The following XPOT variants were observed in gnomAD, a reference collection of about 807,000 sequenced individuals.
XPOT encodes the protein exportin for tRNA.
XPOT carries 34 observed loss-of-function variants against 128.2 expected under a neutral mutation model. The ratio of observed to expected loss-of-function variants is 0.27; its 90% CI spans 0.20 to 0.35. The LOEUF (loss-of-function observed/expected upper bound fraction) is 0.35, where lower values mean the gene tolerates loss of function less well. Ranked by LOEUF, XPOT falls within the 10% of genes least tolerant of loss-of-function variation. XPOT has a pLI of 1.00. For synonymous variants in XPOT, 348 were observed against 394.3 expected (o/e 0.88, Z 1.39); for missense variants, 838 against 1,125.3 (o/e 0.74, Z 3.65).
At chr12:64,427,735 C>G (rs2040205342) in intron 15 of XPOT, among the ~76,000 whole-genome samples, 1 of 152,094 alleles carries the variant, frequency 6.6e-6, no homozygotes, top group African/African-American at 2.4e-5. Context: ...TCAGTCTTCC[C>G]ACCTCGGCCT....
chr12:64,435,460 T>C (rs2040274988), intron 21 of XPOT, among the ~76,000 whole-genome samples, 167 bp from the exon 22 acceptor site: 1 of 152,246 alleles, frequency 6.6e-6, no homozygotes, highest in African/African-American at 2.4e-5. Context: ...ACCCACTTAG[T>C]CCATCTGCCT....
chr12:64,427,407 C>T (rs955899271), intron 15 of XPOT, among the ~76,000 whole-genome samples: 15 of 152,124 alleles, frequency 9.9e-5, no homozygotes, highest in African/African-American at 3.4e-4. Flanking sequence ...AGGCATGAGC[C>T]ACCGCGCCCA....
intron 24 of XPOT, among the ~76,000 whole-genome samples, chr12:64,447,762 T>G (rs556511877): frequency 6.6e-6 from 1 of 152,270 alleles, no homozygotes; most frequent in South Asian, 2.1e-4. Flanking sequence ...GTGCCCGTCC[T>G]CAATATTTAA....
At position 64,419,421 on chromosome 12, in the gene XPOT, G is replaced by A. The variant is rs557474102; in HGVS notation, c.489+327G>A. Among the ~76,000 whole-genome samples the A allele has an allele frequency of 2.6e-5, 4 of 152,212 alleles. 1 individual carries two copies. In the South Asian group the frequency reaches 8.3e-4, roughly 32 times the overall value. ...CAACCTCCGCCTCCTGGGTTCAAGC[G>A]ATTCTCCCACCTCAGCCTCCCTAGT... On this transcript the variant is annotated intron_variant, in intron 6 of 24. Coordinates refer to ENST00000332707, the MANE Select transcript of XPOT (RefSeq NM_007235.6).
At chr12:64,418,229 C>A in intron 5 of XPOT, 114 bp downstream of exon 5, 1 of 811,726 alleles carries the variant, frequency 1.2e-6, no homozygotes, top group Non-Finnish European at 1.9e-6. Context: ...CATTTGATTT[C>A]ATAGCTTTTT....
intron 2 of XPOT, among the ~76,000 whole-genome samples, chr12:64,410,577 C>G (rs2040028897): frequency 1.3e-5 from 2 of 152,102 alleles, no homozygotes; most frequent in African/African-American, 4.8e-5. Flanking sequence ...CCACCTCAGT[C>G]TCCTAAAATG....
At chr12:64,415,986 C>G (rs1000773987) in intron 3 of XPOT, among the ~76,000 whole-genome samples, 1 of 152,192 alleles carries the variant, frequency 6.6e-6, no homozygotes, top group Non-Finnish European at 1.5e-5. Flanking sequence ...AAGCATTCAA[C>G]TAACTTTTTA....
chr12:64,432,710 T>A (rs1278994102), intron 18 of XPOT, among the ~76,000 whole-genome samples: 1 of 152,204 alleles, frequency 6.6e-6, no homozygotes, highest in Non-Finnish European at 1.5e-5. Context: ...CAGGAGTTCA[T>A]TTGTAAGCAA....
rs6581565 is a variant in XPOT at position 64,445,142 on chromosome 12, G to T, written c.2862+11G>T. 0.52 allele frequency: 838,519 copies of T among 1,600,842 alleles called. 228,800 individuals carry two copies. The highest frequency in any genetic ancestry group is 0.57 in the Non-Finnish European group (665,196 of 1,171,328). On this transcript the variant is annotated intron_variant, in intron 24 of 24. Transcript: ENST00000332707. Reference sequence around the variant, plus strand: ...AAAAATTACTTAAAGGTAGGTATTTGTGAAGCTCACGTATCTTCATACAAT... The same window carrying T: ...AAAAATTACTTAAAGGTAGGTATTTTTGAAGCTCACGTATCTTCATACAAT...
chr12:64,416,708 G>C lies in XPOT; in HGVS notation c.154G>C (p.Val52Leu). Residue 52 changes from valine to leucine, a missense_variant, in exon 4 of 25, where the codon GTG becomes CTG. Physicochemically the swap from Val to Leu is conservative, Grantham distance 32. Around this residue, in one of 3 missense-constraint regions of XPOT, gnomAD observed 761 missense variants for 988.3 expected, o/e 0.77. Coordinates refer to ENST00000332707, the MANE Select transcript of XPOT (RefSeq NM_007235.6). The part of the protein sequence containing the change: ...LAQRTYSDDH[V>L]KFFCFQVLEH... The stretch of plus-strand genomic sequence containing the variant: ...TTTTTTCTTTTTCAGTGATGATCAT[G>C]TGAAGTTTTTCTGCTTTCAAGTACT... 6.2e-7 allele frequency: 1 copy of C among 1,612,754 alleles called. No homozygotes were observed. Among genetic ancestry groups the C allele is most frequent in the Middle Eastern group, 1.7e-4 (1 of 6,018 alleles).
At chr12:64,439,704 A>G (rs1425815383) in intron 23 of XPOT, among the ~76,000 whole-genome samples, 6 of 152,230 alleles carry the variant, frequency 3.9e-5, no homozygotes, top group Non-Finnish European at 7.3e-5. Context: ...TGTACCAGGT[A>G]GTTCATTGTG....
chr12:64,438,387 A>T (rs1235418437), intron 22 of XPOT, among the ~76,000 whole-genome samples: 2 of 152,156 alleles, frequency 1.3e-5, no homozygotes, highest in Non-Finnish European at 1.5e-5. Context: ...ATTGCATAGG[A>T]AGCAAGTACA....
chr12:64,414,628 T>C (rs534569578), intron 2 of XPOT, among the ~76,000 whole-genome samples: 2 of 152,340 alleles, frequency 1.3e-5, no homozygotes, highest in South Asian at 4.1e-4. Flanking sequence ...TCATTCTTCA[T>C]AATAACCCCA....
At chr12:64,414,600 T>C (rs1360104005) in intron 2 of XPOT, among the ~76,000 whole-genome samples, 2 of 152,174 alleles carry the variant, frequency 1.3e-5, no homozygotes, top group Non-Finnish European at 2.9e-5. Flanking sequence ...AGTATGGCAC[T>C]TGACAAAGCA....
In XPOT at chr12:64,421,489, T is replaced by C. The variant is rs1219517111; in HGVS notation, c.1080+18T>C. 2 of 1,553,882 alleles carry C rather than the reference T, an allele frequency of 1.3e-6. No homozygotes were observed. The highest frequency in any genetic ancestry group is 1.8e-6 in the Non-Finnish European group (2 of 1,126,200). On this transcript the variant is annotated intron_variant, in intron 9 of 24. Coordinates refer to ENST00000332707, the MANE Select transcript of XPOT (RefSeq NM_007235.6). ...TGAAACAGGTAAGTTTTTGTTTTAT[T>C]CTTTTTGCTCAATACATAATACAAA... is the stretch of plus-strand genomic sequence containing the variant.
chr12:64,439,205 C>G (rs749449819), intron 22 of XPOT, 39 bp from the exon 23 acceptor site: 2 of 1,580,670 alleles, frequency 1.3e-6, no homozygotes, highest in Non-Finnish European at 1.7e-6. Flanking sequence ...TTATTAATGT[C>G]AAGCAAGAAA....
chr12:64,406,983 T>C (rs1232841094), intron 1 of XPOT, among the ~76,000 whole-genome samples: 1 of 152,120 alleles, frequency 6.6e-6, no homozygotes, highest in African/African-American at 2.4e-5. Flanking sequence ...GCATACCTTA[T>C]CTCTTTGAAG....
chr12:64,423,697 G>C (rs894923591), intron 11 of XPOT, among the ~76,000 whole-genome samples: 2 of 152,100 alleles, frequency 1.3e-5, no homozygotes, highest in African/African-American at 4.8e-5. Flanking sequence ...CAAGTGATCT[G>C]CCTGCCTCAG....
intron 22 of XPOT, 64 bp downstream of exon 22, chr12:64,435,738 GA>G: frequency 6.8e-7 from 1 of 1,480,392 alleles, no homozygotes; most frequent in East Asian, 2.4e-5. Context: ...TCTTGTTCTT[GA>G]AAGATGTATC....
Sources: allele counts gnomAD v4.1 joint callset (sites outside exome capture counted in the v4.1 genomes callset), GRCh38; gene constraint gnomAD v4.1.1; regional missense constraint gnomAD v4.1.1; transcripts MANE v1.5; gene names NCBI Gene and HGNC (gene_info 2026-07-23, HGNC 2026-07-21).